The following LRRC8D variants were observed in gnomAD, a reference collection of about 807,000 sequenced individuals.
The protein encoded by LRRC8D is volume-regulated anion channel subunit LRRC8D.
In LRRC8D, 20 loss-of-function variants were observed where a neutral mutation model predicts 55.8. The ratio of observed to expected loss-of-function variants is 0.36; its 90% confidence interval spans 0.25 to 0.52. The LOEUF (loss-of-function observed/expected upper bound fraction) is 0.52, where lower values mean the gene tolerates loss of function less well. Among genes scored for constraint, LRRC8D ranks in the 20% least tolerant of loss-of-function variants. The pLI, the probability that LRRC8D is intolerant of heterozygous loss-of-function variation, is 0.93. For missense variants in LRRC8D, 651 were observed against 1,030.8 expected (o/e 0.63, Z 5.05); for synonymous variants, 352 against 377.0 (o/e 0.93, Z 0.77).
chr1:89,833,144 C>T (rs72714298), intron 1 of LRRC8D, among the ~76,000 whole-genome samples: 1,728 of 152,338 alleles, frequency 0.011, 11 homozygotes, highest in South Asian at 0.031. Context: ...TTAGAAACTT[C>T]TTTTGCCTTC....
chr1:89,935,706 G>C lies in LRRC8D; in HGVS notation c.*61G>C, dbSNP rs1305113212. ...AACTTCCTAGATTGCAAGTGCTCAC[G>C]TACAAGTTATTACAAGATAATGCAT... On this transcript the variant is annotated 3_prime_UTR_variant, in exon 3 of 3. Transcript: ENST00000337338. The C allele has an allele frequency of 6.8e-7, 1 of 1,463,562 alleles. No individual in the cohort carries two copies. The highest frequency in any genetic ancestry group is 9.4e-7 in the Non-Finnish European group (1 of 1,061,200). The allele number at this position is 1,463,562 out of a possible 1,614,324, so 90.7% of individuals were successfully genotyped here.
At chr1:89,832,770 A>G (rs1660917699) in intron 1 of LRRC8D, among the ~76,000 whole-genome samples, 1 of 152,242 alleles carries the variant, frequency 6.6e-6, no homozygotes, top group Non-Finnish European at 1.5e-5. Context: ...TGCGTTAACA[A>G]GTTGTACAAG....
rs546961004 is a variant in LRRC8D at position 89,908,848 on chromosome 1, A to C, written c.-2-24219A>C. ...CTTACTGTGACTCTCAGAGGAAATG[A>C]AGGATGATAAATCCAGCTGCTGCTT... On this transcript the variant is annotated intron_variant, in intron 2 of 2. Transcript: ENST00000337338. Among the ~76,000 whole-genome samples the C allele has an allele frequency of 6.3e-4, 96 of 152,322 alleles. 1 individual carries two copies. The highest frequency in any genetic ancestry group is 2.1e-3 in the African/African-American group (88 of 41,578).
At chr1:89,843,425 G>C (rs942831826) in intron 1 of LRRC8D, 14 of 353,936 alleles carry the variant, frequency 4.0e-5, no homozygotes, top group African/African-American at 2.6e-4. Flanking sequence ...CCACCAGCAG[G>C]GGGGGCCCGG....
At position 89,933,120 on chromosome 1, in the gene LRRC8D, C is replaced by CG. The variant is rs1557490142; in HGVS notation, c.53dup (p.Ile19AsnfsTer90). The CG allele has an allele frequency of 6.2e-7, 1 of 1,613,266 alleles. No individual in the cohort carries two copies. The highest frequency in any genetic ancestry group is 2.2e-5 in the East Asian group (1 of 44,866). On this transcript the variant is annotated frameshift_variant, in exon 3 of 3. Coordinates refer to ENST00000337338, the MANE Select transcript of LRRC8D (RefSeq NM_001134479.2). LOFTEE classifies it high-confidence loss of function. The surrounding 1 kb of genome is among the most constrained non-coding windows in gnomAD (Gnocchi z 7.0). ...ACTTAATGACATTCAGCCAACTTAC[C>CG]GAATCCTGAAACCATGGTGGGATGT...
At chr1:89,870,716 G>C (rs1307633440) in intron 2 of LRRC8D, among the ~76,000 whole-genome samples, 2 of 152,218 alleles carry the variant, frequency 1.3e-5, no homozygotes, top group African/African-American at 4.8e-5. Context: ...TGATAATGCA[G>C]AGGCTTTCAC....
intron 2 of LRRC8D, among the ~76,000 whole-genome samples, chr1:89,862,454 T>C (rs1407563228): frequency 2.0e-5 from 3 of 152,236 alleles, no homozygotes; most frequent in Non-Finnish European, 2.9e-5. Flanking sequence ...AATGATGTTA[T>C]GAAATTTTTG....
At chr1:89,906,819 G>A (rs959815217) in intron 2 of LRRC8D, among the ~76,000 whole-genome samples, 2 of 152,018 alleles carry the variant, frequency 1.3e-5, no homozygotes, top group African/African-American at 4.8e-5. Flanking sequence ...CTAACCTGCT[G>A]AGTCATCTCA....
At chr1:89,856,869 C>T (rs1346438961) in intron 2 of LRRC8D, among the ~76,000 whole-genome samples, 1 of 152,154 alleles carries the variant, frequency 6.6e-6, no homozygotes, top group Non-Finnish European at 1.5e-5. Flanking sequence ...CTGTTTCTCC[C>T]CCCACATTTA....
At chr1:89,889,576 T>C (rs1662508788) in intron 2 of LRRC8D, among the ~76,000 whole-genome samples, 1 of 139,514 alleles carries the variant, frequency 7.2e-6, no homozygotes, top group Non-Finnish European at 1.6e-5. Flanking sequence ...TTTAAATGTT[T>C]GTTTAAAAAA....
intron 2 of LRRC8D, among the ~76,000 whole-genome samples, chr1:89,885,276 T>C (rs1662391792): frequency 6.6e-6 from 1 of 152,230 alleles, no homozygotes; most frequent in Non-Finnish European, 1.5e-5. Context: ...TTCTCCTCAG[T>C]GCCTTTGTTC....
At chr1:89,923,070 T>G (rs577506822) in intron 2 of LRRC8D, among the ~76,000 whole-genome samples, 6 of 152,346 alleles carry the variant, frequency 3.9e-5, no homozygotes, top group African/African-American at 1.4e-4. Flanking sequence ...CCTGTTGTTT[T>G]CAGATTTAGT....
chr1:89,843,807 A>G (rs1220818465), intron 2 of LRRC8D, 25 bp downstream of exon 2: 4 of 644,422 alleles, frequency 6.2e-6, no homozygotes, highest in African/African-American at 5.4e-5. Context: ...GTCTGGGTCC[A>G]GGGAGCGGGT....
intron 2 of LRRC8D, chr1:89,846,771 A>G (rs778233700): frequency 8.6e-5 from 13 of 151,904 alleles, no homozygotes; most frequent in Non-Finnish European, 1.6e-4. Context: ...TATTCTGCCA[A>G]AATTCTAGTA....
chr1:89,825,156 C>CT (rs1374385694), intron 1 of LRRC8D, among the ~76,000 whole-genome samples: 1 of 152,074 alleles, frequency 6.6e-6, no homozygotes, highest in African/African-American at 2.4e-5. Context: ...TGGAGGATGA[C>CT]TTTGTTGAAA....
intron 2 of LRRC8D, among the ~76,000 whole-genome samples, chr1:89,885,029 A>G (rs1400536453): frequency 6.6e-6 from 1 of 152,032 alleles, no homozygotes; most frequent in African/African-American, 2.4e-5. Flanking sequence ...TCTCCCCACA[A>G]CCACACCACA....
At chr1:89,862,022 C>A (rs1016624063) in intron 2 of LRRC8D, among the ~76,000 whole-genome samples, 1 of 152,116 alleles carries the variant, frequency 6.6e-6, no homozygotes, top group African/African-American at 2.4e-5. Flanking sequence ...TGTATGAAGA[C>A]CCAGTTGCTT....
At chr1:89,836,525 C>A (rs1182047507) in intron 1 of LRRC8D, among the ~76,000 whole-genome samples, 3 of 152,180 alleles carry the variant, frequency 2.0e-5, no homozygotes, top group Non-Finnish European at 4.4e-5. Flanking sequence ...TGAGCCCCTT[C>A]TTTTCTTTGG....
At chr1:89,865,205 T>C (rs951736413) in intron 2 of LRRC8D, among the ~76,000 whole-genome samples, 8 of 152,076 alleles carry the variant, frequency 5.3e-5, no homozygotes, top group Non-Finnish European at 1.2e-4. Context: ...CATTCCCTTA[T>C]TATTACTTGT....
Sources: gnomAD v4.1 joint callset for allele counts (sites outside exome capture counted in the v4.1 genomes callset) on GRCh38, gnomAD v4.1.1 for gene constraint, Gnocchi (gnomAD v3.1) non-coding constraint, MANE v1.5 for transcripts, NCBI Gene and HGNC (gene_info 2026-07-23, HGNC 2026-07-21) for gene names.